OR7D2: variants seen among roughly 807,000 people sequenced by gnomAD.
OR7D2 encodes olfactory receptor 7D2.
For missense variants in OR7D2, 370 were observed against 384.1 expected, an observed-to-expected ratio of 0.96 and a Z score of 0.31; for synonymous variants, 158 against 158.7, an observed-to-expected ratio of 1.00 and a Z score of 0.03.
At position 9,180,766 on chromosome 19, in the gene OR7D2, G is replaced by A. The variant is rs1022907343; in HGVS notation, c.-36G>A. ...GTAAAATTTTCTAGAATGTGATCTG[G>A]ACTTGCCACAAAGAAACTTCAGGTT... is the stretch of plus-strand genomic sequence containing the variant. On this transcript the variant is annotated 5_prime_UTR_variant, in exon 2 of 3. Transcript: ENST00000641288. 6.6e-6 allele frequency: 1 copy of A among 151,780 alleles called. No individual in the cohort carries two copies. Among genetic ancestry groups the A allele is most frequent in the African/African-American group, 2.4e-5 (1 of 41,302 alleles). The allele number at this position is 151,780 out of a possible 1,614,324, so 9.4% of individuals were successfully genotyped here. A position where few individuals can be genotyped will look rare whatever the true frequency, so the allele number is the denominator to read the frequency against.
chr19:9,183,850 G>T (rs1314679930), intron 2 of OR7D2, among the ~76,000 whole-genome samples: 1 of 147,838 alleles, frequency 6.8e-6, no homozygotes, highest in Non-Finnish European at 1.5e-5. Flanking sequence ...CCAGCTACTC[G>T]GGAGGCTGAG....
chr19:9,184,152 T>G (rs186813778), intron 2 of OR7D2, among the ~76,000 whole-genome samples: 92 of 152,072 alleles, frequency 6.0e-4, no homozygotes, highest in African/African-American at 2.1e-3. Context: ...CCCAGCACTT[T>G]GGGAGGCCAA....
In OR7D2 at chr19:9,188,407, A is replaced by T. The variant is rs2051055196; in HGVS notation, c.*1687A>T. 6.0e-6 allele frequency: 1 copy of T among 166,430 alleles called. No individual in the cohort carries two copies. The highest frequency in any genetic ancestry group is 2.4e-5 in the African/African-American group (1 of 41,432). 10.3% of individuals were successfully genotyped at this position (166,430 alleles called of 1,614,324 possible). The stretch of plus-strand genomic sequence containing the variant: ...GTGCCTGGCCTTCTAGTTCTTTAAG[A>T]TACCACTTTAAAAAAAGTCCAGTCC... On this transcript the variant is annotated 3_prime_UTR_variant, in exon 3 of 3. Coordinates refer to ENST00000641288, the MANE Select transcript of OR7D2 (RefSeq NM_175883.4).
rs750987355 is a variant in OR7D2, at chr19:9,188,709, G to T, written c.*1989G>T. On this transcript the variant is annotated 3_prime_UTR_variant, in exon 3 of 3. Coordinates refer to ENST00000641288, the MANE Select transcript of OR7D2 (RefSeq NM_175883.4). ...GATTGTTCACTGACTTTATTTCTATGTGTTTGCATGTGGGTTTTTGTTGTT... is the reference window on the plus strand; with the variant it reads ...GATTGTTCACTGACTTTATTTCTATTTGTTTGCATGTGGGTTTTTGTTGTT... 1.2e-5 allele frequency: 2 copies of T among 167,056 alleles called. No homozygotes were observed. Among genetic ancestry groups the T allele is most frequent in the Admixed American group, 6.5e-5 (1 of 15,282 alleles). 10.3% of individuals were successfully genotyped at this position (167,056 alleles called of 1,614,324 possible).
Position 9,186,461 on chromosome 19 carries a change from AG to A in OR7D2, c.681del (p.Met228CysfsTer37). ...SYSRIASSIR[K>X]MSSSGGKQKA... Reference sequence around the variant, plus strand: ...TCACGAATTGCTTCATCCATAAGGAAGATGTCCTCATCTGGGGGAAAACAAA... The same window carrying A: ...TCACGAATTGCTTCATCCATAAGGAAATGTCCTCATCTGGGGGAAAACAAA... On this transcript the variant is annotated frameshift_variant, in exon 3 of 3. Transcript: ENST00000641288. LOFTEE classifies it low-confidence loss of function (END_TRUNC). 2 of 1,614,170 alleles carry A rather than the reference AG, an allele frequency of 1.2e-6. No homozygotes were observed. Among genetic ancestry groups the A allele is most frequent in the South Asian group, 2.2e-5 (2 of 91,086 alleles).
chr19:9,179,613 A>G lies in OR7D2; in HGVS notation c.-105+490A>G, dbSNP rs114894426. Among the ~76,000 whole-genome samples, 159 of 152,208 alleles carry G rather than the reference A, an allele frequency of 1.0e-3. 1 individual carries two copies. The highest frequency in any genetic ancestry group is 3.7e-3 in the African/African-American group (152 of 41,526). On this transcript the variant is annotated intron_variant, in intron 1 of 2. Coordinates refer to ENST00000641288, the MANE Select transcript of OR7D2 (RefSeq NM_175883.4). The stretch of plus-strand genomic sequence containing the variant: ...CCTCTGATGGCCTTTCATTCTGGAA[A>G]CTAGTGACTTTCTCAATGTCAGTAG...
In OR7D2 at chr19:9,186,113, A is replaced by G. The variant is rs1223407838; in HGVS notation, c.332A>G (p.Asp111Gly). ...VYFSMFFPIL[D>G]TLLLTVMAYD... is the part of the protein sequence containing the mutation. Reference sequence around the variant, plus strand: ...TTCTCCATGTTTTTTCCTATTCTGGACACGCTACTCCTGACCGTGATGGCC... The same window carrying G: ...TTCTCCATGTTTTTTCCTATTCTGGGCACGCTACTCCTGACCGTGATGGCC... Residue 111 changes from aspartate to glycine, a missense_variant, in exon 3 of 3, where the codon GAC becomes GGC. Asp to Gly is a moderately conservative substitution (Grantham distance 94). Coordinates refer to ENST00000641288, the MANE Select transcript of OR7D2 (RefSeq NM_175883.4). 4 of 1,613,912 alleles carry G rather than the reference A, an allele frequency of 2.5e-6. No individual in the cohort carries two copies.
rs61743116 is a variant in OR7D2 at position 9,186,402 on chromosome 19, C to T, written c.621C>T (p.Gly207=). 1.5e-3 allele frequency: 2,498 copies of T among 1,614,132 alleles called. 35 individuals carry two copies. The African/African-American group carries it at 0.029, about 18-fold the overall frequency. The part of the protein sequence containing the change: ...TLIYFMTGVL[G]VFPLLGIIFS... ...TATACTTTATGACGGGTGTGCTGGG[C>T]GTTTTTCCCCTCCTTGGGATCATTT... Residue 207 remains glycine (G), a synonymous_variant, in exon 3 of 3, where the codon GGC becomes GGT. Coordinates refer to ENST00000641288, the MANE Select transcript of OR7D2 (RefSeq NM_175883.4).
chr19:9,183,826 G>A (rs1459573991), intron 2 of OR7D2, among the ~76,000 whole-genome samples: 2 of 148,700 alleles, frequency 1.3e-5, no homozygotes, highest in East Asian at 2.0e-4. Flanking sequence ...GCGAGGTGGC[G>A]GGCGCCTGTA....
intron 1 of OR7D2, 26 bp from the exon 2 acceptor site, chr19:9,180,669 GATT>G (rs1291825541): frequency 2.9e-5 from 1 of 34,344 alleles, no homozygotes; most frequent in African/African-American, 6.1e-5. Flanking sequence ...TCTTATATGT[GATT>G]TTTTTTTTTT....
chr19:9,185,390 A>C (rs1343339877), intron 2 of OR7D2, among the ~76,000 whole-genome samples: 1 of 151,764 alleles, frequency 6.6e-6, no homozygotes, highest in African/African-American at 2.4e-5. Context: ...TACGTATGAA[A>C]GATTAGACAA....
Position 9,186,476 on chromosome 19 carries a change from G to A in OR7D2, c.695G>A (p.Gly232Glu), listed in dbSNP as rs1223302315. The A allele has an allele frequency of 6.2e-7, 1 of 1,613,748 alleles. No individual in the cohort carries two copies. The highest frequency in any genetic ancestry group is 1.7e-5 in the Admixed American group (1 of 59,912). The change falls in exon 3 of 3, where the codon GGG (glycine) becomes GAG (glutamate). Residue 232 changes from glycine (G) to glutamate (E), a missense_variant. Gly to Glu is a moderately conservative substitution (Grantham distance 98). Coordinates refer to ENST00000641288, the MANE Select transcript of OR7D2 (RefSeq NM_175883.4). ...TCCATAAGGAAGATGTCCTCATCTG[G>A]GGGAAAACAAAAAGCACTTTCCACC... The part of the protein sequence containing the change: ...ASSIRKMSSS[G>E]GKQKALSTCG...
In OR7D2 at chr19:9,186,034, A is replaced by G. The variant is rs770940382; in HGVS notation, c.253A>G (p.Ile85Val). ...TCIVPKMLVN[I>V]QTENKAISYM... ...CATCGTCCCCAAGATGCTGGTGAAC[A>G]TCCAGACCGAGAACAAAGCCATCTC... The change falls in exon 3 of 3, where the codon ATC becomes GTC. Residue 85 changes from isoleucine (I) to valine (V), a missense_variant. Physicochemically the swap from Ile to Val is conservative, Grantham distance 29. Coordinates refer to ENST00000641288, the MANE Select transcript of OR7D2 (RefSeq NM_175883.4). 1 of 1,614,134 alleles carries G rather than the reference A, an allele frequency of 6.2e-7. No individual in the cohort carries two copies. Among genetic ancestry groups the G allele is most frequent in the East Asian group, 2.2e-5 (1 of 44,872 alleles).
intron 2 of OR7D2, among the ~76,000 whole-genome samples, chr19:9,183,556 G>A (rs1446900250): frequency 2.6e-5 from 4 of 152,078 alleles, no homozygotes; most frequent in African/African-American, 9.7e-5. Flanking sequence ...GGTATTACAG[G>A]CGTGAGCCAC....
In OR7D2 at chr19:9,186,619, G is replaced by C; in HGVS notation, c.838G>C (p.Val280Leu). 1 of 1,614,050 alleles carries C rather than the reference G, an allele frequency of 6.2e-7. No individual in the cohort carries two copies. The highest frequency in any genetic ancestry group is 2.2e-5 in the East Asian group (1 of 44,856). ...CTCCGTGGCCTCGGTGATGTACACT[G>C]TGGTCACCCCCATGTTGAACCCCTT... ...KISVASVMYT[V>L]VTPMLNPFIY... Residue 280 changes from valine (V) to leucine (L), a missense_variant, in exon 3 of 3, where the codon GTG becomes CTG. Val to Leu is a conservative substitution (Grantham distance 32). Transcript: ENST00000641288.
intron 2 of OR7D2, among the ~76,000 whole-genome samples, chr19:9,181,653 CTA>C (rs1009770140): frequency 3.9e-5 from 6 of 152,002 alleles, no homozygotes; most frequent in Non-Finnish European, 8.8e-5. Flanking sequence ...AGGGGTTTCA[CTA>C]TGTTTCCTAG....
rs940982745 is a variant in OR7D2, at chr19:9,187,556, G to A, written c.*836G>A. On this transcript the variant is annotated 3_prime_UTR_variant, in exon 3 of 3. Transcript: ENST00000641288. ...GGGTACATGTGGTTTTTCATTACAC[G>A]GATGAGTTCTTTAGTGGTGACTTCT... The A allele has an allele frequency of 4.2e-5, 7 of 166,572 alleles. No individual in the cohort carries two copies. Among genetic ancestry groups the A allele is most frequent in the African/African-American group, 1.2e-4 (5 of 41,258 alleles). 10.3% of individuals were successfully genotyped at this position (166,572 alleles called of 1,614,324 possible). A position where few individuals can be genotyped will look rare whatever the true frequency, so the allele number is the denominator to read the frequency against.
At position 9,185,928 on chromosome 19, in the gene OR7D2, C is replaced by G; in HGVS notation, c.147C>G (p.Ile49Met). Residue 49 changes from isoleucine (I) to methionine (M), a missense_variant, in exon 3 of 3, where the codon ATC becomes ATG. Ile to Met is a conservative substitution (Grantham distance 10). Coordinates refer to ENST00000641288, the MANE Select transcript of OR7D2 (RefSeq NM_175883.4). ...VLGNLLIILA[I>M]SSDSHLHTPM... is the part of the protein sequence containing the mutation. ...GAAACCTGCTCATCATCCTGGCCAT[C>G]AGCTCTGACTCCCACCTCCACACCC... 1 of 1,614,148 alleles carries G rather than the reference C, an allele frequency of 6.2e-7. No individual in the cohort carries two copies. Among genetic ancestry groups the G allele is most frequent in the Non-Finnish European group, 8.5e-7 (1 of 1,180,020 alleles).
intron 2 of OR7D2, among the ~76,000 whole-genome samples, chr19:9,184,924 C>G (rs1051127401): frequency 4.6e-5 from 7 of 151,990 alleles, no homozygotes; most frequent in Non-Finnish European, 8.8e-5. Context: ...TAGAATAAGT[C>G]AGATGCAGAA....
Sources: allele counts gnomAD v4.1 joint callset (sites outside exome capture counted in the v4.1 genomes callset), GRCh38; gene constraint gnomAD v4.1.1; transcripts MANE v1.5; gene names NCBI Gene and HGNC (gene_info 2026-07-23, HGNC 2026-07-21).